ASIC2: variants seen among roughly 807,000 people sequenced by gnomAD.
ASIC2 encodes the protein acid-sensing ion channel 2.
A neutral mutation model predicts 57.3 loss-of-function variants in ASIC2; 25 were observed. The ratio of observed to expected loss-of-function variants is 0.44; its 90% confidence interval spans 0.32 to 0.61. The LOEUF (loss-of-function observed/expected upper bound fraction) is 0.61, where lower values mean the gene tolerates loss of function less well. ASIC2 is among the 20% of genes least tolerant of loss of function. The pLI is 0.06. For synonymous variants in ASIC2, 319 were observed against 307.5 expected (o/e 1.04, Z -0.39); for missense variants, 641 against 738.1 (o/e 0.87, Z 1.52).
chr17:34,047,022 G>C (rs1047655164), intron 1 of ASIC2, among the ~76,000 whole-genome samples: 2 of 152,048 alleles, frequency 1.3e-5, no homozygotes, highest in African/African-American at 2.4e-5. Flanking sequence ...GAACCTTTGA[G>C]GACATACTAT....
chr17:33,758,802 G>A (rs1910690398), intron 1 of ASIC2, among the ~76,000 whole-genome samples: 1 of 151,786 alleles, frequency 6.6e-6, no homozygotes, highest in African/African-American at 2.4e-5. Context: ...CACCAGATGT[G>A]GCCTTTTTAC....
intron 1 of ASIC2, among the ~76,000 whole-genome samples, chr17:33,453,452 G>A (rs12939903): frequency 0.018 from 2,784 of 152,236 alleles, 105 homozygotes; most frequent in African/African-American, 0.063. Context: ...TTTTTGAAAA[G>A]AGGCAGGGAG....
chr17:33,519,324 C>T (rs1202053441), intron 1 of ASIC2, among the ~76,000 whole-genome samples: 5 of 152,270 alleles, frequency 3.3e-5, no homozygotes, highest in South Asian at 2.1e-4. Context: ...TGCTGGAAGC[C>T]GCCCAGCTTG....
At chr17:34,082,079 C>A (rs1258907455) in intron 1 of ASIC2, 1 of 152,130 alleles carries the variant, frequency 6.6e-6, no homozygotes, top group African/African-American at 2.4e-5. Context: ...CTAGGATGCC[C>A]TCATACTTTC....
chr17:33,257,462 T>C (rs1597654004), intron 1 of ASIC2, among the ~76,000 whole-genome samples: 1 of 152,232 alleles, frequency 6.6e-6, no homozygotes, highest in Non-Finnish European at 1.5e-5. Flanking sequence ...TTTTAGTATA[T>C]AGGCGAAGTG....
At chr17:33,750,682 G>A (rs1418092871) in intron 1 of ASIC2, among the ~76,000 whole-genome samples, 1 of 152,126 alleles carries the variant, frequency 6.6e-6, no homozygotes, top group Non-Finnish European at 1.5e-5. Flanking sequence ...TGCTTTGTTT[G>A]TTTTGTTTTG....
At chr17:34,059,690 T>C (rs1221822603) in intron 1 of ASIC2, among the ~76,000 whole-genome samples, 2 of 152,160 alleles carry the variant, frequency 1.3e-5, no homozygotes, top group Non-Finnish European at 2.9e-5. Flanking sequence ...TTGGTTGGCA[T>C]AGGAGCTGGG....
chr17:33,912,243 C>T lies in ASIC2; in HGVS notation c.555+243735G>A, dbSNP rs114474589. 2.5e-3 allele frequency among the ~76,000 whole-genome samples: 374 copies of T among 150,980 alleles called. 2 individuals are homozygous for T. The highest frequency in any genetic ancestry group is 8.7e-3 in the African/African-American group (359 of 41,108). On this transcript the variant is annotated intron_variant, in intron 1 of 9. Transcript: ENST00000359872. ...ATGTGGTGGCTCACGCCTGTAATCC[C>T]GGCGCATTGTAGGCTGAGGCATGTG...
chr17:33,192,585 C>T (rs1906471154), intron 1 of ASIC2, among the ~76,000 whole-genome samples: 2 of 152,176 alleles, frequency 1.3e-5, no homozygotes, highest in South Asian at 4.1e-4. Context: ...GATCCCTCAC[C>T]TCCTAACGTC....
At chr17:33,431,715 C>T (rs553952679) in intron 1 of ASIC2, among the ~76,000 whole-genome samples, 1 of 152,198 alleles carries the variant, frequency 6.6e-6, no homozygotes, top group Non-Finnish European at 1.5e-5. Flanking sequence ...CTAACCTGAA[C>T]CAGGTCTCCT....
At chr17:33,264,989 T>C (rs1176861733) in intron 1 of ASIC2, among the ~76,000 whole-genome samples, 1 of 152,266 alleles carries the variant, frequency 6.6e-6, no homozygotes, top group African/African-American at 2.4e-5. Flanking sequence ...TGCCCCTGAT[T>C]ATGTGGCTGT....
chr17:33,823,016 A>G (rs948410040), intron 1 of ASIC2, among the ~76,000 whole-genome samples: 2 of 152,200 alleles, frequency 1.3e-5, no homozygotes, highest in Non-Finnish European at 2.9e-5. Flanking sequence ...TGCAGAAGAT[A>G]TGCAGTGTAG....
chr17:33,416,075 G>A (rs1275724423), intron 1 of ASIC2, among the ~76,000 whole-genome samples: 1 of 152,164 alleles, frequency 6.6e-6, no homozygotes, highest in Non-Finnish European at 1.5e-5. Context: ...TGTGTTGGGG[G>A]TGGTTCTGCC....
intron 1 of ASIC2, among the ~76,000 whole-genome samples, chr17:33,467,982 A>T (rs1407623855): frequency 1.3e-5 from 2 of 152,220 alleles, no homozygotes; most frequent in South Asian, 2.1e-4. Context: ...TTTCATTGAC[A>T]GTTATATGCC....
rs147449908 is a variant in ASIC2, at chr17:33,661,234, T to TC, written c.555+494743dup. ...CACCCTGTGCTAACTTGGGCTCGTG[T>TC]CTCGCAAGCTACCACCCTGATCTTA... On this transcript the variant is annotated intron_variant, in intron 1 of 9. Coordinates refer to the ASIC2 transcript ENST00000359872. 5.6e-3 allele frequency among the ~76,000 whole-genome samples: 854 copies of TC among 152,326 alleles called. 2 individuals are homozygous for TC. The highest frequency in any genetic ancestry group is 8.5e-3 in the Non-Finnish European group (575 of 68,032).
At chr17:33,312,484 C>T (rs1391077) in intron 1 of ASIC2, among the ~76,000 whole-genome samples, 27,947 of 152,156 alleles carry the variant, frequency 0.18, 2,664 homozygotes, top group East Asian at 0.37. Flanking sequence ...TGGCAGACAT[C>T]AGAGAGGACC....
intron 1 of ASIC2, among the ~76,000 whole-genome samples, chr17:34,131,430 C>T (rs1911954856): frequency 6.6e-6 from 1 of 152,196 alleles, no homozygotes. Flanking sequence ...ATTTTGGCAT[C>T]AGGATAGCTC....
chr17:34,040,911 G>T (rs1355263117), intron 1 of ASIC2, among the ~76,000 whole-genome samples: 1 of 152,130 alleles, frequency 6.6e-6, no homozygotes, highest in Non-Finnish European at 1.5e-5. Flanking sequence ...AGCTATTACC[G>T]TTTTGATCAT....
At chr17:33,509,181 G>A (rs564114118) in intron 1 of ASIC2, among the ~76,000 whole-genome samples, 7 of 152,166 alleles carry the variant, frequency 4.6e-5, no homozygotes, top group African/African-American at 7.2e-5. Context: ...AAGGTAGGAC[G>A]GAGGGAGGGC....
Sources: allele counts gnomAD v4.1 joint callset (sites outside exome capture counted in the v4.1 genomes callset), GRCh38; gene constraint gnomAD v4.1.1; transcripts MANE v1.5; gene names NCBI Gene and HGNC (gene_info 2026-07-23, HGNC 2026-07-21).